Variants in DEPTOR observed in about 807,000 individuals in gnomAD.
DEPTOR encodes DEP domain containing MTOR interacting protein.
A neutral mutation model predicts 41.6 loss-of-function variants in DEPTOR; 41 were observed. The observed-to-expected ratio is 0.98, with a 90% CI of 0.77 to 1.28. DEPTOR has a LOEUF of 1.28. Among genes scored for constraint, DEPTOR ranks in the 50% most tolerant of loss-of-function variants. DEPTOR has a pLI of 0.00. For synonymous variants in DEPTOR, 195 were observed against 192.3 expected (o/e 1.01, Z -0.12); for missense variants, 514 against 527.9 (o/e 0.97, Z 0.26).
intron 3 of DEPTOR, among the ~76,000 whole-genome samples, chr8:119,930,488 C>T (rs1309039604): frequency 6.6e-6 from 1 of 152,278 alleles, no homozygotes; most frequent in Non-Finnish European, 1.5e-5. Flanking sequence ...CTACCAACTT[C>T]GGCCTCCCAA....
rs1828318466 is a variant in DEPTOR at position 119,949,013 on chromosome 8, T to C, written c.426-16219T>C. Among the ~76,000 whole-genome samples the C allele has an allele frequency of 2.6e-5, 4 of 152,214 alleles. No homozygotes were observed. The South Asian group carries it at 8.3e-4, about 32-fold the overall frequency. On this transcript the variant is annotated intron_variant, in intron 3 of 8. Coordinates refer to ENST00000286234, the MANE Select transcript of DEPTOR (RefSeq NM_022783.4). ...TGTTGCCCAGGCAGTCTCAAACTCCTGACCTCAGGTGATCCACCCGCCTTG... is the reference window on the plus strand; with the variant it reads ...TGTTGCCCAGGCAGTCTCAAACTCCCGACCTCAGGTGATCCACCCGCCTTG...
chr8:119,993,968 C>A (rs2130059738), intron 4 of DEPTOR, among the ~76,000 whole-genome samples: 1 of 151,946 alleles, frequency 6.6e-6, no homozygotes, highest in East Asian at 1.9e-4. Flanking sequence ...ATCAGCCTGG[C>A]TAACACGGTG....
chr8:119,923,011 G>C (rs6469876), intron 1 of DEPTOR, among the ~76,000 whole-genome samples: 7 of 151,850 alleles, frequency 4.6e-5, no homozygotes, highest in Admixed American at 2.0e-4. Flanking sequence ...AACATGGGCT[G>C]GTTGTCAAAA....
intron 1 of DEPTOR, 88 bp downstream of exon 1, chr8:119,874,056 G>C (rs565742720): frequency 1.9e-6 from 3 of 1,574,022 alleles, no homozygotes; most frequent in East Asian, 2.4e-5. Context: ...TCCCTGGCTC[G>C]TGGCTTGCGA....
chr8:119,941,965 AGT>A (rs975656572), intron 3 of DEPTOR, among the ~76,000 whole-genome samples: 4 of 152,320 alleles, frequency 2.6e-5, no homozygotes, highest in Admixed American at 2.6e-4. Context: ...TGGGGGAAAA[AGT>A]GTCTGTCACT....
chr8:119,940,979 G>T (rs1384183450), intron 3 of DEPTOR, among the ~76,000 whole-genome samples: 1 of 152,108 alleles, frequency 6.6e-6, no homozygotes, highest in African/African-American at 2.4e-5. Context: ...TGTTTAATGG[G>T]TTTAAAGGTA....
intron 1 of DEPTOR, among the ~76,000 whole-genome samples, chr8:119,889,319 G>A (rs76317896): frequency 0.019 from 2,831 of 151,838 alleles, 86 homozygotes; most frequent in African/African-American, 0.064. Context: ...GGCTGAGGTC[G>A]GAAGATGGCT....
intron 8 of DEPTOR, among the ~76,000 whole-genome samples, chr8:120,044,888 A>T (rs1453421253): frequency 6.6e-6 from 1 of 152,238 alleles, no homozygotes; most frequent in Non-Finnish European, 1.5e-5. Context: ...AGCTTCGTGA[A>T]GGCAAAGATG....
chr8:120,001,096 C>T (rs113068584), intron 4 of DEPTOR, among the ~76,000 whole-genome samples: 22,289 of 150,666 alleles, frequency 0.15, 2,725 homozygotes, highest in African/African-American at 0.33. Context: ...GAAAAAGGAT[C>T]GAGTGTGGCT....
intron 1 of DEPTOR, among the ~76,000 whole-genome samples, chr8:119,912,737 A>G (rs1389088365): frequency 6.6e-6 from 1 of 152,188 alleles, no homozygotes; most frequent in Non-Finnish European, 1.5e-5. Context: ...TGGAAGCCCA[A>G]AGGAAATGAG....
intron 8 of DEPTOR, among the ~76,000 whole-genome samples, chr8:120,015,599 A>C (rs1294137376): frequency 6.6e-6 from 1 of 152,140 alleles, no homozygotes; most frequent in Non-Finnish European, 1.5e-5. Context: ...AAATTGGAAA[A>C]AACGACATGG....
chr8:120,023,803 T>TC (rs149734754), intron 8 of DEPTOR, among the ~76,000 whole-genome samples: 2,516 of 150,308 alleles, frequency 0.017, 29 homozygotes, highest in Non-Finnish European at 0.026. Context: ...CTATTTTGTT[T>TC]TTTTTTTTTT....
At chr8:119,992,756 A>C (rs1398582909) in intron 4 of DEPTOR, among the ~76,000 whole-genome samples, 1 of 150,846 alleles carries the variant, frequency 6.6e-6, no homozygotes, top group East Asian at 1.9e-4. Context: ...TCCTGGGTTC[A>C]AGTGATTCTC....
intron 1 of DEPTOR, among the ~76,000 whole-genome samples, chr8:119,910,522 G>A (rs183046789): frequency 1.6e-4 from 24 of 150,392 alleles, no homozygotes; most frequent in East Asian, 1.6e-3. Flanking sequence ...GCACGATCTC[G>A]GCTCACTACA....
chr8:119,883,546 G>T (rs1479552638), intron 1 of DEPTOR, among the ~76,000 whole-genome samples: 1 of 151,792 alleles, frequency 6.6e-6, no homozygotes, highest in Admixed American at 6.6e-5. Context: ...CTGTTGCTAG[G>T]GTGTAGCAAA....
intron 1 of DEPTOR, among the ~76,000 whole-genome samples, chr8:119,877,801 A>G (rs979969766): frequency 6.6e-6 from 1 of 152,262 alleles, no homozygotes; most frequent in Admixed American, 6.5e-5. Flanking sequence ...GTAGTGGATC[A>G]AATAGGGTAC....
intron 3 of DEPTOR, among the ~76,000 whole-genome samples, chr8:119,964,576 A>G (rs191195730): frequency 2.6e-5 from 4 of 151,178 alleles, no homozygotes; most frequent in African/African-American, 4.9e-5. Context: ...AGTTCACAGC[A>G]CTTGTCTTCT....
chr8:119,889,667 A>AGGAT (rs1308530207), intron 1 of DEPTOR, among the ~76,000 whole-genome samples: 8 of 13,476 alleles, frequency 5.9e-4, no homozygotes, highest in South Asian at 2.9e-3. Context: ...AGGGGAGGGG[A>AGGAT]GGGGAGAGGA....
chr8:119,930,016 T>C (rs2129855324), intron 3 of DEPTOR, 78 bp downstream of exon 3: 1 of 1,488,354 alleles, frequency 6.7e-7, no homozygotes, highest in East Asian at 2.3e-5. Flanking sequence ...ATTATGTTGA[T>C]TTCAGCGTGG....
Sources: gnomAD v4.1 joint callset for allele counts (sites outside exome capture counted in the v4.1 genomes callset) on GRCh38, gnomAD v4.1.1 for gene constraint, MANE v1.5 for transcripts, NCBI Gene and HGNC (gene_info 2026-07-23, HGNC 2026-07-21) for gene names.